The following PGBD5 variants were observed in gnomAD, a reference collection of about 807,000 sequenced individuals.
The protein encoded by PGBD5 is piggyBac transposable element-derived protein 5.
In PGBD5, 14 loss-of-function variants were observed where a neutral mutation model predicts 47.9. That is an observed-to-expected ratio of 0.29 (90% CI 0.19 to 0.46). PGBD5 has a LOEUF of 0.46. Among genes scored for constraint, PGBD5 ranks in the 20% least tolerant of loss-of-function variants. PGBD5 has a pLI of 1.00. For missense variants in PGBD5, 635 were observed against 716.0 expected (o/e 0.89, Z 1.29); for synonymous variants, 316 against 306.3 (o/e 1.03, Z -0.33).
At chr1:230,398,329 C>T (rs1187622951) in intron 1 of PGBD5, among the ~76,000 whole-genome samples, 3 of 152,176 alleles carry the variant, frequency 2.0e-5, no homozygotes, top group South Asian at 2.1e-4. Flanking sequence ...CCTGCTGAGG[C>T]CTCTCTCCTG....
intron 1 of PGBD5, among the ~76,000 whole-genome samples, chr1:230,415,133 T>C (rs906492814): frequency 2.0e-5 from 3 of 152,098 alleles, no homozygotes; most frequent in African/African-American, 7.2e-5. Flanking sequence ...GTGGGCATGG[T>C]GGCGCCTATC....
intron 6 of PGBD5, among the ~76,000 whole-genome samples, chr1:230,324,466 A>G (rs1667085159): frequency 6.6e-6 from 1 of 152,226 alleles, no homozygotes; most frequent in Non-Finnish European, 1.5e-5. Flanking sequence ...AGACTTGTTC[A>G]ATGAATCCCC....
chr1:230,375,292 G>A (rs1356703951), intron 1 of PGBD5, among the ~76,000 whole-genome samples: 1 of 152,196 alleles, frequency 6.6e-6, no homozygotes, highest in Non-Finnish European at 1.5e-5. Flanking sequence ...TGTAACACAG[G>A]GTATGGCCTG....
chr1:230,319,482 T>A lies in PGBD5; in HGVS notation c.*3943A>T, dbSNP rs2102806895. On this transcript the variant is annotated 3_prime_UTR_variant, in exon 7 of 7. Coordinates refer to ENST00000391860, the MANE Select transcript of PGBD5 (RefSeq NM_001258311.2). ...GGAGAATGTGTGAGGCTTGCGTAGTTGCAAGGCCCCATGGCCCTCCCGGGT... is the reference window on the plus strand; with the variant it reads ...GGAGAATGTGTGAGGCTTGCGTAGTAGCAAGGCCCCATGGCCCTCCCGGGT... 1 of 152,244 alleles carries A rather than the reference T, an allele frequency of 6.6e-6. No individual in the cohort carries two copies. The highest frequency in any genetic ancestry group is 1.9e-4 in the East Asian group (1 of 5,164). The allele number at this position is 152,244 out of a possible 1,614,324, so 9.4% of individuals were successfully genotyped here.
At position 230,357,100 on chromosome 1, in the gene PGBD5, C is replaced by T. The variant is rs564271297; in HGVS notation, c.553G>A (p.Val185Ile). 7 of 1,614,044 alleles carry T rather than the reference C, an allele frequency of 4.3e-6. No homozygotes were observed. The highest frequency in any genetic ancestry group is 4.0e-5 in the African/African-American group (3 of 74,918). ...ISTSISHCES[V>I]LSIWSGGFYS... is the part of the protein sequence containing the mutation. The stretch of plus-strand genomic sequence containing the variant: ...AAGCCTCCGCTCCAGATGCTGAGGA[C>T]GGACTCGCAGTGGGAGATGCTGGTG... Residue 185 changes from valine (V) to isoleucine (I), a missense_variant, in exon 2 of 7, where the codon GTC (valine) becomes ATC (isoleucine). By Grantham distance (29) the Val-to-Ile change is conservative. Transcript: ENST00000391860. The surrounding 1 kb of genome is among the most constrained non-coding windows in gnomAD (Gnocchi z 5.7).
intron 4 of PGBD5, among the ~76,000 whole-genome samples, chr1:230,334,488 A>G (rs370294045): frequency 6.6e-6 from 1 of 152,212 alleles, no homozygotes; most frequent in East Asian, 1.9e-4. Flanking sequence ...CACAGAAATT[A>G]TTCTAGGAAT....
chr1:230,329,914 A>G (rs1351712699), intron 5 of PGBD5, among the ~76,000 whole-genome samples: 2 of 152,254 alleles, frequency 1.3e-5, no homozygotes, highest in Non-Finnish European at 2.9e-5. Flanking sequence ...CAGAGCAGAG[A>G]CCTAAAGCAT....
At chr1:230,418,269 A>G (rs1362116513) in intron 1 of PGBD5, among the ~76,000 whole-genome samples, 2 of 152,230 alleles carry the variant, frequency 1.3e-5, no homozygotes, top group African/African-American at 2.4e-5. Flanking sequence ...TCGGGTTTGG[A>G]AACAAACCAA....
At chr1:230,349,839 G>A (rs1050278755) in intron 3 of PGBD5, among the ~76,000 whole-genome samples, 1 of 152,220 alleles carries the variant, frequency 6.6e-6, no homozygotes, top group African/African-American at 2.4e-5. Context: ...GATAGGTCCA[G>A]TCTGGCAAGA....
At chr1:230,336,863 C>T (rs1571828682) in intron 4 of PGBD5, among the ~76,000 whole-genome samples, 1 of 152,190 alleles carries the variant, frequency 6.6e-6, no homozygotes, top group African/African-American at 2.4e-5. Context: ...CCAGGCAGAG[C>T]TTTGCGCCGA....
chr1:230,412,034 GC>G (rs1558215073), intron 1 of PGBD5, among the ~76,000 whole-genome samples: 1 of 152,176 alleles, frequency 6.6e-6, no homozygotes, highest in Non-Finnish European at 1.5e-5. Context: ...GTACATGTAT[GC>G]AAAAATGTGT....
At chr1:230,399,555 C>G (rs534242532) in intron 1 of PGBD5, among the ~76,000 whole-genome samples, 2 of 152,166 alleles carry the variant, frequency 1.3e-5, no homozygotes, top group Admixed American at 6.5e-5. Flanking sequence ...CTCCTCGACA[C>G]CCCTGAATTC....
intron 5 of PGBD5, among the ~76,000 whole-genome samples, chr1:230,326,788 G>C (rs1240252399): frequency 6.6e-6 from 1 of 152,148 alleles, no homozygotes; most frequent in Non-Finnish European, 1.5e-5. Flanking sequence ...AGGAATTAGA[G>C]GCTCAGAAGA....
intron 1 of PGBD5, among the ~76,000 whole-genome samples, chr1:230,374,369 T>C (rs1667980586): frequency 6.6e-6 from 1 of 151,920 alleles, no homozygotes; most frequent in South Asian, 2.1e-4. Flanking sequence ...GTGAGTGGAG[T>C]TCACACCACT....
Position 230,426,257 on chromosome 1 carries a change from A to ACCG in PGBD5, c.-332_-330dup, listed in dbSNP as rs1391805518. 1 of 146,150 alleles carries ACCG rather than the reference A, an allele frequency of 6.8e-6. No individual in the cohort carries two copies. Among genetic ancestry groups the ACCG allele is most frequent in the Non-Finnish European group, 1.5e-5 (1 of 67,782 alleles). 9.1% of individuals were successfully genotyped at this position (146,150 alleles called of 1,614,324 possible). A position where few individuals can be genotyped will look rare whatever the true frequency, so the allele number is the denominator to read the frequency against. On this transcript the variant is annotated 5_prime_UTR_variant, in exon 1 of 7. Transcript: ENST00000391860. ...CGCCACCGCCGCCACCACCGCCACCACCGCCGCCGCTGCGTCTCCTCGGCG... is the reference window on the plus strand; with the variant it reads ...CGCCACCGCCGCCACCACCGCCACCACCGCCGCCGCCGCTGCGTCTCCTCGGCG...
intron 1 of PGBD5, among the ~76,000 whole-genome samples, chr1:230,383,432 A>T (rs1475918128): frequency 6.6e-6 from 1 of 151,926 alleles, no homozygotes; most frequent in Admixed American, 6.6e-5. Flanking sequence ...TGGTGCAAAC[A>T]CGCATCACTG....
chr1:230,337,059 T>C, intron 4 of PGBD5, 49 bp downstream of exon 4: 1 of 1,586,152 alleles, frequency 6.3e-7, no homozygotes, highest in South Asian at 1.2e-5. Context: ...CCCACCACTT[T>C]CCCAGGGGAG....
Position 230,332,964 on chromosome 1 carries a change from C to G in PGBD5, c.1153G>C (p.Ala385Pro). 1.9e-6 allele frequency: 3 copies of G among 1,614,048 alleles called. No individual in the cohort carries two copies. Among genetic ancestry groups the G allele is most frequent in the Non-Finnish European group, 2.5e-6 (3 of 1,179,948 alleles). Reference protein sequence around the residue: ...GLPLSMLTNPATPPARGQYQI... With the variant: ...GLPLSMLTNPPTPPARGQYQI... ...TACTGGCCCCGGGCCGGGGGTGTGG[C>G]TGGGTTGGTCAGCATGGACAGTGGG... is the stretch of plus-strand genomic sequence containing the variant. The change falls in exon 5 of 7, where the codon GCC becomes CCC. Residue 385 changes from alanine to proline, a missense_variant. Ala to Pro is a conservative substitution (Grantham distance 27). Transcript: ENST00000391860.
rs572680304 is a variant in PGBD5, at chr1:230,339,861, G to A, written c.895-2573C>T. Reference sequence around the variant, plus strand: ...TGGGGGATGGAAGTGGGAGTGGGGAGGTATTGGTCAAAGAATTCAAAATCT... The same window carrying A: ...TGGGGGATGGAAGTGGGAGTGGGGAAGTATTGGTCAAAGAATTCAAAATCT... On this transcript the variant is annotated intron_variant, in intron 3 of 6. Transcript: ENST00000391860. 1.5e-4 allele frequency among the ~76,000 whole-genome samples: 23 copies of A among 152,216 alleles called. No homozygotes were observed. The East Asian group carries it at 2.9e-3, about 19-fold the overall frequency.
Sources: allele counts gnomAD v4.1 joint callset (sites outside exome capture counted in the v4.1 genomes callset), GRCh38; gene constraint gnomAD v4.1.1; non-coding constraint Gnocchi (gnomAD v3.1); transcripts MANE v1.5; gene names NCBI Gene and HGNC (gene_info 2026-07-23, HGNC 2026-07-21).